The following MSANTD1 variants were observed in gnomAD, a reference collection of about 807,000 sequenced individuals.
The protein encoded by MSANTD1 is myb/SANT-like DNA-binding domain-containing protein 1.
A neutral mutation model predicts 24.2 loss-of-function variants in MSANTD1; 7 were observed. That is an observed-to-expected ratio of 0.29 (90% CI 0.16 to 0.54). The LOEUF is 0.54. Ranked by LOEUF, MSANTD1 falls within the 20% of genes least tolerant of loss-of-function variation. The probability of loss-of-function intolerance (pLI) is 0.94; values close to 1 mark genes in which losing one functional copy is unlikely to be tolerated. For missense variants in MSANTD1, 384 were observed against 408.2 expected (o/e 0.94, Z 0.51); for synonymous variants, 177 against 181.1 (o/e 0.98, Z 0.18).
chr4:3,254,589 G>C (rs1414507880), intron 2 of MSANTD1, among the ~76,000 whole-genome samples: 1 of 152,230 alleles, frequency 6.6e-6, no homozygotes, highest in Non-Finnish European at 1.5e-5. Flanking sequence ...GGATGAGCAG[G>C]CACTGGAGCA....
At chr4:3,246,448 GTT>G, upstream of MSANTD1, 2 of 435,210 alleles carry the variant, frequency 4.6e-6, no homozygotes, top group Non-Finnish European at 8.1e-6. Context: ...TGAGAGTCTA[GTT>G]GGGCCCAGCC....
rs1415708643 is a variant in MSANTD1, at chr4:3,256,083, C to G, written c.*118C>G. ...CCGCCCCGCGAGCGGAGACCGCCTT[C>G]CACCTGGCCTCTGGCAGGATGTCCC... On this transcript the variant is annotated 3_prime_UTR_variant, in exon 3 of 3. Transcript: ENST00000438480. The G allele has an allele frequency of 7.9e-7, 1 of 1,269,108 alleles. No individual in the cohort carries two copies. The highest frequency in any genetic ancestry group is 1.0e-6 in the Non-Finnish European group (1 of 969,796). The allele number at this position is 1,269,108 out of a possible 1,614,324, so 78.6% of individuals were successfully genotyped here.
chr4:3,250,760 TG>T (rs907517873), intron 1 of MSANTD1, among the ~76,000 whole-genome samples: 2 of 152,120 alleles, frequency 1.3e-5, no homozygotes, highest in Non-Finnish European at 2.9e-5. Context: ...CAGGTGAGCC[TG>T]GGGCAGAGAG....
rs4690080 is a variant in MSANTD1, at chr4:3,252,472, C to T, written c.321-735C>T. 7.0e-3 allele frequency among the ~76,000 whole-genome samples: 1,061 copies of T among 152,362 alleles called. 31 individuals are homozygous for T. The East Asian group carries it at 0.089, about 13-fold the overall frequency. ...CCTCTGGGCAGGTTGCAGGTTGTAG[C>T]GCTGGATCTAGGCTCCTGCCCAGAC... On this transcript the variant is annotated intron_variant, in intron 1 of 2. Coordinates refer to ENST00000438480, the MANE Select transcript of MSANTD1 (RefSeq NM_001042690.2).
intron 2 of MSANTD1, 124 bp from the exon 3 acceptor site, chr4:3,255,601 A>T: frequency 7.9e-7 from 1 of 1,260,788 alleles, no homozygotes; most frequent in Non-Finnish European, 1.1e-6. Context: ...TGAGTAAGTG[A>T]CCTGACTCCC....
At position 3,255,823 on chromosome 4, in the gene MSANTD1, G is replaced by A. The variant is rs997696829; in HGVS notation, c.695G>A (p.Arg232Gln). Reference protein sequence around the residue: ...LLEAMVEEQRRLSRAVEETCR... With the variant: ...LLEAMVEEQRQLSRAVEETCR... The stretch of plus-strand genomic sequence containing the variant: ...GAGGCCATGGTGGAGGAGCAGCGCC[G>A]GCTGAGCCGCGCCGTGGAGGAGACC... Residue 232 changes from arginine (R) to glutamine (Q), a missense_variant, in exon 3 of 3, where the codon CGG becomes CAG. Arg to Gln is a conservative substitution (Grantham distance 43, BLOSUM62 1). Coordinates refer to ENST00000438480, the MANE Select transcript of MSANTD1 (RefSeq NM_001042690.2). 1.7e-5 allele frequency: 26 copies of A among 1,546,020 alleles called. No individual in the cohort carries two copies. In the Admixed American group the frequency reaches 1.8e-4, roughly 10 times the overall value.
In MSANTD1 at chr4:3,253,405, T is replaced by C; in HGVS notation, c.519T>C (p.Tyr173=). 3.7e-6 allele frequency: 6 copies of C among 1,603,526 alleles called. No individual in the cohort carries two copies. Among genetic ancestry groups the C allele is most frequent in the Non-Finnish European group, 5.1e-6 (6 of 1,174,404 alleles). Residue 173 remains tyrosine (Y), a synonymous_variant, in exon 2 of 3, where the codon TAT becomes TAC. Coordinates refer to ENST00000438480, the MANE Select transcript of MSANTD1 (RefSeq NM_001042690.2). ...AGTCCACCCCTCTGTACTTCCCGTA[T>C]AACCAGTGCTCCTACGAAGGCCGCT... The part of the protein sequence containing the change: ...PAKSTPLYFP[Y]NQCSYEGRFE...
intron 2 of MSANTD1, among the ~76,000 whole-genome samples, chr4:3,255,510 C>G (rs1722357687): frequency 6.6e-6 from 1 of 152,244 alleles, no homozygotes. Flanking sequence ...AGGCATAAGC[C>G]TCCACACCCG....
At chr4:3,255,370 C>G (rs1227770199) in intron 2 of MSANTD1, among the ~76,000 whole-genome samples, 1 of 151,886 alleles carries the variant, frequency 6.6e-6, no homozygotes, top group Admixed American at 6.6e-5. Flanking sequence ...ATTACAGGCA[C>G]CCGCCACAAC....
chr4:3,253,356 A>G lies in MSANTD1; in HGVS notation c.470A>G (p.Glu157Gly), dbSNP rs761027041. The G allele has an allele frequency of 5.0e-6, 8 of 1,611,340 alleles. No homozygotes were observed. In the East Asian group the frequency reaches 1.8e-4, roughly 36 times the overall value. ...QPPGPSTSQT[E>G]ASLSPPAKST... is the part of the protein sequence containing the mutation. Reference sequence around the variant, plus strand: ...CCGGGGCCCTCCACGTCCCAGACCGAGGCGTCCCTGTCGCCGCCCGCTAAG... The same window carrying G: ...CCGGGGCCCTCCACGTCCCAGACCGGGGCGTCCCTGTCGCCGCCCGCTAAG... Residue 157 changes from glutamate to glycine, a missense_variant, in exon 2 of 3, where the codon GAG becomes GGG. Glu to Gly is a moderately conservative substitution (Grantham distance 98). Transcript: ENST00000438480.
upstream of MSANTD1, among the ~76,000 whole-genome samples, chr4:3,245,702 G>T (rs1722003663): frequency 6.6e-6 from 1 of 152,204 alleles, no homozygotes; most frequent in African/African-American, 2.4e-5. Flanking sequence ...TCGCTTGCGG[G>T]TCCCCCAGGC....
chr4:3,252,481 T>C (rs892526536), intron 1 of MSANTD1, among the ~76,000 whole-genome samples: 80 of 152,228 alleles, frequency 5.3e-4, no homozygotes, highest in Non-Finnish European at 1.1e-3. Flanking sequence ...GCGCTGGATC[T>C]AGGCTCCTGC....
At position 3,253,302 on chromosome 4, in the gene MSANTD1, G is replaced by A. The variant is rs1299773637; in HGVS notation, c.416G>A (p.Cys139Tyr). The change falls in exon 2 of 3, where the codon TGT (cysteine) becomes TAT (tyrosine). Residue 139 changes from cysteine to tyrosine, a missense_variant. By Grantham distance (194) the Cys-to-Tyr change is radical. Transcript: ENST00000438480. ...DGILAKVPES[C>Y]DGKLPDSQPP... ...ATTCTGGCCAAGGTCCCCGAGTCCT[G>A]TGATGGCAAACTGCCGGACAGCCAG... 1.2e-6 allele frequency: 2 copies of A among 1,610,380 alleles called. No individual in the cohort carries two copies. Among genetic ancestry groups the A allele is most frequent in the Non-Finnish European group, 8.5e-7 (1 of 1,178,382 alleles).
In MSANTD1 at chr4:3,256,002, G is replaced by A. The variant is rs145994491; in HGVS notation, c.*37G>A. 1.3e-3 allele frequency: 1,861 copies of A among 1,477,674 alleles called. 22 individuals carry two copies. In the African/African-American group the frequency reaches 0.023, roughly 18 times the overall value. The allele number at this position is 1,477,674 out of a possible 1,614,324, so 91.5% of individuals were successfully genotyped here. ...GCGGCGGCGGCGGGGCCGGGCGGCT[G>A]GTGGTACTGCTCAGGCCACCCAGGG... On this transcript the variant is annotated 3_prime_UTR_variant, in exon 3 of 3. Transcript: ENST00000438480.
At chr4:3,253,733 A>G (rs1722304029) in intron 2 of MSANTD1, among the ~76,000 whole-genome samples, 1 of 152,206 alleles carries the variant, frequency 6.6e-6, no homozygotes, top group African/African-American at 2.4e-5. Context: ...CTCTGGCCTC[A>G]GTCTCCCTCC....
rs751338673 is a variant in MSANTD1, at chr4:3,253,375, C to T, written c.489C>T (p.Pro163=). ...AGACCGAGGCGTCCCTGTCGCCGCC[C>T]GCTAAGTCCACCCCTCTGTACTTCC... ...TSQTEASLSP[P]AKSTPLYFPY... The change falls in exon 2 of 3, where the codon CCC becomes CCT. Residue 163 remains proline, a synonymous_variant. Coordinates refer to ENST00000438480, the MANE Select transcript of MSANTD1 (RefSeq NM_001042690.2). 11 of 1,611,158 alleles carry T rather than the reference C, an allele frequency of 6.8e-6. No homozygotes were observed. Among genetic ancestry groups the T allele is most frequent in the South Asian group, 1.1e-5 (1 of 90,256 alleles).
intron 1 of MSANTD1, among the ~76,000 whole-genome samples, chr4:3,251,459 G>A (rs1197768262): frequency 1.3e-5 from 2 of 152,140 alleles, no homozygotes; most frequent in East Asian, 1.9e-4. Context: ...GGGCTGCACC[G>A]GTGCACTGCA....
intron 2 of MSANTD1, among the ~76,000 whole-genome samples, chr4:3,254,791 C>G (rs1252070909): frequency 6.6e-6 from 1 of 152,256 alleles, no homozygotes; most frequent in Non-Finnish European, 1.5e-5. Context: ...GCCCCACACC[C>G]TCTAGGTGCC....
chr4:3,254,055 C>T (rs1722314038), intron 2 of MSANTD1, among the ~76,000 whole-genome samples: 1 of 152,232 alleles, frequency 6.6e-6, no homozygotes, highest in Non-Finnish European at 1.5e-5. Context: ...GCTCACAGGG[C>T]AGCCGGGAGC....
Sources: gnomAD v4.1 joint callset for allele counts (sites outside exome capture counted in the v4.1 genomes callset) on GRCh38, gnomAD v4.1.1 for gene constraint, MANE v1.5 for transcripts, NCBI Gene and HGNC (gene_info 2026-07-23, HGNC 2026-07-21) for gene names.